CNTLN: variants seen among roughly 807,000 people sequenced by gnomAD.
CNTLN encodes centlein, also known as centlein, centrosomal protein.
In CNTLN, 212 loss-of-function variants were observed where a neutral mutation model predicts 180.0. That is an observed-to-expected ratio of 1.18 (90% CI 1.05 to 1.32). The LOEUF is 1.32. CNTLN is among the 40% of genes most tolerant of loss of function. The probability of loss-of-function intolerance (pLI) is 0.00; values close to 1 mark genes in which losing one functional copy is unlikely to be tolerated. For missense variants in CNTLN, 2,095 were observed against 1,610.9 expected (o/e 1.30, Z -5.14); for synonymous variants, 722 against 563.1 (o/e 1.28, Z -3.99).
intron 25 of CNTLN, among the ~76,000 whole-genome samples, chr9:17,493,586 TTTTTAACTTTCGAGGGATATTAG>T (rs1833287481): frequency 6.6e-6 from 1 of 152,222 alleles, no homozygotes; most frequent in Non-Finnish European, 1.5e-5. Context: ...TCATTCTGTT[TTTTTAACTTTCGAGGGATATTAG>T]CAAGAACATT....
rs113662454 is a variant in CNTLN at position 17,239,179 on chromosome 9, C to T, written c.849+2591C>T. On this transcript the variant is annotated intron_variant, in intron 5 of 25. Coordinates refer to ENST00000380647, the MANE Select transcript of CNTLN (RefSeq NM_017738.4). ...GAGAAGAGGCAAATTACTACAGGCG[C>T]GTGCCACCACATGCAGATAATTTGT... 3.1e-3 allele frequency among the ~76,000 whole-genome samples: 465 copies of T among 152,196 alleles called. 4 individuals are homozygous for T. Among genetic ancestry groups the T allele is most frequent in the African/African-American group, 0.011 (441 of 41,540 alleles).
intron 5 of CNTLN, among the ~76,000 whole-genome samples, chr9:17,261,617 C>T (rs768071297): frequency 6.6e-6 from 1 of 151,306 alleles, no homozygotes; most frequent in Admixed American, 6.6e-5. Context: ...TCATCAGTGA[C>T]AAGGGGTAAC....
At chr9:17,362,946 T>C (rs1384476951) in intron 12 of CNTLN, among the ~76,000 whole-genome samples, 2 of 152,134 alleles carry the variant, frequency 1.3e-5, no homozygotes, top group Non-Finnish European at 2.9e-5. Flanking sequence ...TGTCCATGTG[T>C]TCTCATTGTC....
chr9:17,455,641 C>A (rs1427691563), intron 18 of CNTLN, among the ~76,000 whole-genome samples: 4 of 151,996 alleles, frequency 2.6e-5, no homozygotes, highest in African/African-American at 9.7e-5. Context: ...CTAAGCTGCC[C>A]TTTAAAGATG....
At chr9:17,510,290 C>G in the CNTLN span, among the ~76,000 whole-genome samples, 3 of 152,092 alleles carry the variant, frequency 2.0e-5, no homozygotes, top group Admixed American at 6.5e-5. Context: ...GACCATATGA[C>G]CATAGTGACC....
At chr9:17,257,167 C>G (rs888251589) in intron 5 of CNTLN, among the ~76,000 whole-genome samples, 8 of 151,838 alleles carry the variant, frequency 5.3e-5, no homozygotes, top group African/African-American at 1.5e-4. Flanking sequence ...TGATGTTCCC[C>G]TTCCTGTGTC....
chr9:17,333,473 G>C (rs1024794633), intron 10 of CNTLN, among the ~76,000 whole-genome samples: 1 of 151,912 alleles, frequency 6.6e-6, no homozygotes, highest in Non-Finnish European at 1.5e-5. Flanking sequence ...ATGATATTCT[G>C]TAAATCTAGT....
At chr9:17,243,248 C>T (rs1249525908) in intron 5 of CNTLN, among the ~76,000 whole-genome samples, 1 of 151,860 alleles carries the variant, frequency 6.6e-6, no homozygotes, top group Admixed American at 6.6e-5. Flanking sequence ...ATGTTTTGCC[C>T]ACTTAGTTTA....
chr9:17,486,189 A>G (rs1321658995), intron 24 of CNTLN, among the ~76,000 whole-genome samples: 3 of 152,154 alleles, frequency 2.0e-5, no homozygotes, highest in Admixed American at 6.6e-5. Flanking sequence ...CAGAGCCCAG[A>G]TCACCTGATT....
chr9:17,466,922 A>T (rs557790361), intron 23 of CNTLN, 31 bp downstream of exon 23: 2 of 1,560,668 alleles, frequency 1.3e-6, no homozygotes, highest in Non-Finnish European at 1.8e-6. Flanking sequence ...ACTAACTTGT[A>T]CTTTACTTTA....
At position 17,211,719 on chromosome 9, in the gene CNTLN, CTT is replaced by C. The variant is rs200904413; in HGVS notation, c.450-14481_450-14480del. Among the ~76,000 whole-genome samples the C allele has an allele frequency of 0.021, 3,265 of 152,188 alleles. 295 individuals are homozygous for C. In the East Asian group the frequency reaches 0.32, roughly 15 times the overall value. On this transcript the variant is annotated intron_variant, in intron 2 of 25. Coordinates refer to ENST00000380647, the MANE Select transcript of CNTLN (RefSeq NM_017738.4). ...ATGTTCTTCCATTTGTTTATGTCCT[CTT>C]TTATTTTTTTGAGCAGTGGTTTGTA...
chr9:17,481,111 C>A (rs1371236712), intron 23 of CNTLN, among the ~76,000 whole-genome samples: 2 of 152,118 alleles, frequency 1.3e-5, no homozygotes, highest in African/African-American at 4.8e-5. Context: ...ACAGTCCCTA[C>A]CCAACTGTGG....
chr9:17,228,642 T>A (rs1320698216), intron 3 of CNTLN, among the ~76,000 whole-genome samples: 1 of 152,100 alleles, frequency 6.6e-6, no homozygotes, highest in African/African-American at 2.4e-5. Flanking sequence ...CAGAGTCTGT[T>A]TCTCTTTCAT....
intron 7 of CNTLN, chr9:17,299,642 G>C (rs1261595195): frequency 1.0e-4 from 102 of 985,252 alleles, no homozygotes; most frequent in Non-Finnish European, 1.1e-4. Flanking sequence ...ACTTCAGCTA[G>C]AGCAGTGCTG....
At chr9:17,325,823 G>A (rs555356651) in intron 8 of CNTLN, among the ~76,000 whole-genome samples, 2 of 152,012 alleles carry the variant, frequency 1.3e-5, no homozygotes, top group South Asian at 2.1e-4. Context: ...TCATTGCAAT[G>A]TAGTAGGAAA....
chr9:17,516,327 A>C, the CNTLN span, among the ~76,000 whole-genome samples: 1 of 152,206 alleles, frequency 6.6e-6, no homozygotes, highest in South Asian at 2.1e-4. Context: ...AAAAGGAATA[A>C]CTTTGCTCAC....
intron 15 of CNTLN, among the ~76,000 whole-genome samples, chr9:17,398,353 C>G (rs1351514870): frequency 2.0e-5 from 3 of 152,072 alleles, no homozygotes; most frequent in Non-Finnish European, 4.4e-5. Context: ...GTGTCAAGCT[C>G]AAATCTGTCT....
At chr9:17,259,626 G>A (rs1826794976) in intron 5 of CNTLN, among the ~76,000 whole-genome samples, 1 of 150,926 alleles carries the variant, frequency 6.6e-6, no homozygotes, top group Non-Finnish European at 1.5e-5. Context: ...TTGTTGGTAA[G>A]CTGTTGATTA....
At chr9:17,197,486 A>G (rs981224757) in intron 2 of CNTLN, among the ~76,000 whole-genome samples, 5 of 152,170 alleles carry the variant, frequency 3.3e-5, no homozygotes, top group African/African-American at 1.2e-4. Context: ...TACATGTGCC[A>G]TGTTGGTGGA....
Sources: gnomAD v4.1 joint callset for allele counts (sites outside exome capture counted in the v4.1 genomes callset) on GRCh38, gnomAD v4.1.1 for gene constraint, MANE v1.5 for transcripts, NCBI Gene and HGNC (gene_info 2026-07-23, HGNC 2026-07-21) for gene names.